TSGA10IP: variants seen among roughly 807,000 people sequenced by gnomAD.
TSGA10IP encodes testis-specific protein 10-interacting protein.
Under a neutral mutation model 63.2 loss-of-function variants are expected in TSGA10IP, and 64 were observed. The ratio of observed to expected loss-of-function variants is 1.01; its 90% CI spans 0.83 to 1.25. TSGA10IP has a LOEUF of 1.25. Ranked by LOEUF, TSGA10IP falls within the 50% of genes most tolerant of loss-of-function variation. TSGA10IP has a pLI of 0.00. For synonymous variants in TSGA10IP, 316 were observed against 298.3 expected, an observed-to-expected ratio of 1.06 and a Z score of -0.61; for missense variants, 681 against 710.1, an observed-to-expected ratio of 0.96 and a Z score of 0.47.
chr11:65,955,161 T>C (rs1855002990), intron 5 of TSGA10IP, among the ~76,000 whole-genome samples: 1 of 152,128 alleles, frequency 6.6e-6, no homozygotes, highest in Non-Finnish European at 1.5e-5. Flanking sequence ...TTGTAGCTAA[T>C]AGCTTCTTGG....
chr11:65,958,908 G>T lies in TSGA10IP; in HGVS notation c.1348G>T (p.Glu450Ter). 1 of 1,613,154 alleles carries T rather than the reference G, an allele frequency of 6.2e-7. No individual in the cohort carries two copies. Residue 450 changes from glutamate (E) to a stop codon, truncating the protein, a stop_gained, in exon 6 of 8, where the codon GAG (glutamate) becomes TAG (stop). Coordinates refer to ENST00000532620, the Ensembl canonical transcript of TSGA10IP. LOFTEE classifies it high-confidence loss of function. ...GCGCCAGGAGCGACAGCGCTTTGCTGAGTACCAGGCGGAGCTGCAAGGCAT... is the reference window on the plus strand; with the variant it reads ...GCGCCAGGAGCGACAGCGCTTTGCTTAGTACCAGGCGGAGCTGCAAGGCAT...
At chr11:65,958,097 G>A (rs910579386) in intron 5 of TSGA10IP, among the ~76,000 whole-genome samples, 3 of 152,094 alleles carry the variant, frequency 2.0e-5, no homozygotes, top group South Asian at 2.1e-4. Context: ...AGGACTACAG[G>A]TGCATACCAC....
intron 5 of TSGA10IP, 70 bp downstream of exon 5, chr11:65,953,807 A>C: frequency 7.8e-7 from 1 of 1,285,872 alleles, no homozygotes; most frequent in African/African-American, 1.5e-5. Context: ...CTCAGTCTAC[A>C]GGACCGAGGA....
exon 1 of TSGA10IP, chr11:65,945,602 G>T: frequency 1.3e-6 from 2 of 1,552,754 alleles, no homozygotes; most frequent in Non-Finnish European, 1.8e-6. Flanking sequence ...GACCCATTGA[G>T]ACTGGCTGAG....
intron 1 of TSGA10IP, 88 bp downstream of exon 1, chr11:65,945,910 C>G: frequency 1.3e-6 from 2 of 1,489,992 alleles, no homozygotes; most frequent in Non-Finnish European, 9.1e-7. Flanking sequence ...TGAGAAGCCA[C>G]AAGACCTGAG....
intron 5 of TSGA10IP, among the ~76,000 whole-genome samples, chr11:65,957,995 C>G (rs905934608): frequency 2.0e-5 from 3 of 152,312 alleles, no homozygotes; most frequent in East Asian, 3.9e-4. Context: ...GCTCTGTTGC[C>G]CAGGCTGGAG....
At chr11:65,959,901 G>T (rs557103231) in exon 8 of TSGA10IP, 2 of 1,612,680 alleles carry the variant, frequency 1.2e-6, no homozygotes, top group Admixed American at 1.7e-5. Context: ...AGCCTGACAG[G>T]CACTACAACC....
At chr11:65,948,443 C>T (rs1402740280) in intron 4 of TSGA10IP, among the ~76,000 whole-genome samples, 1 of 152,192 alleles carries the variant, frequency 6.6e-6, no homozygotes, top group Non-Finnish European at 1.5e-5. Flanking sequence ...TCCATCCATC[C>T]ATTAAATTAT....
chr11:65,953,618 C>T lies in TSGA10IP; in HGVS notation c.1203C>T (p.Ala401=), dbSNP rs376881787. The T allele has an allele frequency of 7.5e-5, 119 of 1,586,366 alleles. 1 individual carries two copies. In the Admixed American group the frequency reaches 7.8e-4, roughly 10 times the overall value. ...AGCGGCAGGAGGAGCGGCAGCAGGC[C>T]GAGCTGCGGCGGGCCCGGACACAGC... Residue 401 remains alanine (A), a synonymous_variant, in exon 5 of 8, where the codon GCC becomes GCT. Coordinates refer to ENST00000532620, the Ensembl canonical transcript of TSGA10IP.
intron 1 of TSGA10IP, 165 bp downstream of exon 1, chr11:65,945,987 T>C: frequency 1.3e-6 from 1 of 777,978 alleles, no homozygotes; most frequent in Non-Finnish European, 2.0e-6. Context: ...CTAAGGGCCT[T>C]GGGAGAAGCC....
chr11:65,948,579 G>T (rs939915275), intron 4 of TSGA10IP, among the ~76,000 whole-genome samples: 2 of 152,176 alleles, frequency 1.3e-5, no homozygotes, highest in African/African-American at 4.8e-5. Flanking sequence ...AGGAGGCTGA[G>T]GTAGGAGGAT....
In TSGA10IP at chr11:65,957,183, G is replaced by C. The variant is rs575874948; in HGVS notation, c.1323-1700G>C. 7.2e-5 allele frequency among the ~76,000 whole-genome samples: 11 copies of C among 151,968 alleles called. No individual in the cohort carries two copies. In the South Asian group the frequency reaches 2.3e-3, roughly 32 times the overall value. On this transcript the variant is annotated intron_variant, in intron 5 of 7. Transcript: ENST00000532620. ...CATTGTTTTTTTGAGACAAAGTCTC[G>C]CTCTGTCGCCAGGCTGGAGTACAGT... is the stretch of plus-strand genomic sequence containing the variant.
chr11:65,959,273 G>A (rs1405022855), exon 7 of TSGA10IP: 1 of 1,611,214 alleles, frequency 6.2e-7, no homozygotes, highest in African/African-American at 1.3e-5. Context: ...TGCTGTCTGA[G>A]GCAGGAAAGG....
chr11:65,959,142 CCT>C (rs1565309409), intron 6 of TSGA10IP, 46 bp from the exon 7 acceptor site: 2 of 1,588,614 alleles, frequency 1.3e-6, no homozygotes, highest in Admixed American at 3.5e-5. Context: ...CCCACCTTGC[CCT>C]CGGCAGCCCT....
intron 1 of TSGA10IP, 103 bp from the exon 2 acceptor site, chr11:65,946,777 A>C (rs1210669170): frequency 7.2e-7 from 1 of 1,383,542 alleles, no homozygotes; most frequent in East Asian, 2.5e-5. Context: ...AGAGGGACCC[A>C]GCCAGGCCCA....
chr11:65,947,118 C>G (rs777787925), exon 3 of TSGA10IP: 2 of 1,611,328 alleles, frequency 1.2e-6, no homozygotes, highest in Non-Finnish European at 1.7e-6. Context: ...AGTCACTTCC[C>G]GCTTCTTCCT....
chr11:65,945,633 G>A lies in TSGA10IP; in HGVS notation c.-43G>A, dbSNP rs768962710. On this transcript the variant is annotated 5_prime_UTR_variant, in exon 1 of 8. Coordinates refer to ENST00000532620, the Ensembl canonical transcript of TSGA10IP. The stretch of plus-strand genomic sequence containing the variant: ...CTGAGGACTGGTTGCCATAGAGATG[G>A]CCTGTTAGGCAGTTCTACGGTGCGG... The A allele has an allele frequency of 1.1e-5, 18 of 1,597,734 alleles. No homozygotes were observed. In the South Asian group the frequency reaches 1.9e-4, roughly 17 times the overall value.
At chr11:65,954,278 G>T (rs1263815570) in intron 5 of TSGA10IP, among the ~76,000 whole-genome samples, 2 of 150,440 alleles carry the variant, frequency 1.3e-5, no homozygotes, top group South Asian at 2.1e-4. Context: ...CCATTCTCCT[G>T]CCTCAGTCTC....
At chr11:65,953,663 C>T in exon 5 of TSGA10IP, 1 of 1,591,860 alleles carries the variant, frequency 6.3e-7, no homozygotes, top group East Asian at 2.3e-5. Context: ...GGCAGGTGGC[C>T]CACTGCCTGG....
Sources: gnomAD v4.1 joint callset for allele counts (sites outside exome capture counted in the v4.1 genomes callset) on GRCh38, gnomAD v4.1.1 for gene constraint, MANE v1.5 for transcripts, NCBI Gene and HGNC (gene_info 2026-07-23, HGNC 2026-07-21) for gene names.